PSRC1: variants seen among roughly 807,000 people sequenced by gnomAD.
PSRC1 encodes the protein proline and serine rich coiled-coil 1.
In PSRC1, 30 loss-of-function variants were observed where a neutral mutation model predicts 31.9. The ratio of observed to expected loss-of-function variants is 0.94; its 90% CI spans 0.70 to 1.28. The LOEUF (loss-of-function observed/expected upper bound fraction) is 1.28, where lower values mean the gene tolerates loss of function less well. PSRC1 is among the 50% of genes most tolerant of loss of function. PSRC1 has a pLI of 0.00. For synonymous variants in PSRC1, 191 were observed against 192.1 expected (o/e 0.99, Z 0.05); for missense variants, 481 against 472.8 (o/e 1.02, Z -0.16).
exon 5 of PSRC1, chr1:109,280,928 C>T (rs756907701): frequency 3.7e-6 from 6 of 1,613,882 alleles, no homozygotes; most frequent in East Asian, 2.2e-5. Context: ...TGGGGATGGC[C>T]GAGGGAATGG....
intron 2 of PSRC1, 30 bp downstream of exon 2, chr1:109,282,650 C>T (rs781267463): frequency 8.2e-6 from 13 of 1,585,010 alleles, no homozygotes; most frequent in Admixed American, 3.6e-5. Context: ...TCACTCCTCC[C>T]TTTCATTCTT....
intron 5 of PSRC1, 105 bp downstream of exon 6, chr1:109,280,672 C>T (rs1381557772): frequency 3.8e-6 from 4 of 1,049,194 alleles, no homozygotes; most frequent in African/African-American, 3.2e-5. Context: ...TCCCCATCTT[C>T]CAATTGAATT....
chr1:109,282,308 CT>C, intron 3 of PSRC1: 1 of 615,780 alleles, frequency 1.6e-6, no homozygotes. Flanking sequence ...ACTTATCCTT[CT>C]TCTTAACACC....
At chr1:109,281,824 GGCCCCA>G (rs764780147) in exon 4 of PSRC1, 1 of 1,614,024 alleles carries the variant, frequency 6.2e-7, no homozygotes, top group Admixed American at 1.7e-5. Context: ...CACTCGGCGA[GGCCCCA>G]GGCCCTCGCC....
exon 7 of PSRC1, chr1:109,279,581 C>T (rs915756416): frequency 6.5e-6 from 1 of 152,984 alleles, no homozygotes; most frequent in East Asian, 1.9e-4. Flanking sequence ...AATACATTCA[C>T]TTTATTTTAG....
At position 109,282,714 on chromosome 1, in the gene PSRC1, G is replaced by T. The variant is rs367546090; in HGVS notation, c.-16C>A. ...AATCCTCCATGTCCAGCCAGCAGGA[G>T]CGAGAGTCCAGTTAGATCTGAGCTG... On this transcript the variant is annotated 5_prime_UTR_variant, in exon 2 of 7. Coordinates refer to ENST00000409138, the Ensembl canonical transcript of PSRC1. The T allele has an allele frequency of 4.5e-6, 7 of 1,551,374 alleles. No individual in the cohort carries two copies. In the African/African-American group the frequency reaches 9.6e-5, roughly 21 times the overall value.
At chr1:109,281,974 A>G (rs1230721402) in exon 4 of PSRC1, 2 of 1,532,184 alleles carry the variant, frequency 1.3e-6, no homozygotes, top group Non-Finnish European at 1.8e-6. Context: ...GGCAGGTGCC[A>G]CTGCATTTGG....
chr1:109,280,737 C>A (rs536764912), intron 5 of PSRC1, 40 bp downstream of exon 6: 1 of 1,494,344 alleles, frequency 6.7e-7, no homozygotes, highest in Non-Finnish European at 9.0e-7. Flanking sequence ...GGTGAGGACA[C>A]GCTGGGCAAG....
chr1:109,281,127 G>C lies in PSRC1; in HGVS notation c.644C>G (p.Thr215Ser), dbSNP rs755722949. Residue 215 changes from threonine to serine, a missense_variant, in exon 5 of 7, where the codon ACC becomes AGC. Transcript: ENST00000409138. ...ACTCACCCGCAACTTGGCTGCTCTG[G>C]TCTCCTCACTGGCTGCTGCTCTCCC... The C allele has an allele frequency of 6.2e-7, 1 of 1,613,414 alleles. No homozygotes were observed.
chr1:109,282,236 TA>T, intron 3 of PSRC1, 176 bp from the exon 4 acceptor site: 1 of 637,968 alleles, frequency 1.6e-6, no homozygotes, highest in Non-Finnish European at 2.7e-6. Context: ...CTATGGGGCC[TA>T]ATAGGCCTTT....
chr1:109,280,468 T>C (rs1656875081), exon 6 of PSRC1: 1 of 1,613,390 alleles, frequency 6.2e-7, no homozygotes, highest in Non-Finnish European at 8.5e-7. Flanking sequence ...GACAGGAAGA[T>C]TTAGTCGCTG....
At chr1:109,281,045 G>T (rs200801704) in exon 5 of PSRC1, 2 of 1,612,844 alleles carry the variant, frequency 1.2e-6, no homozygotes, top group East Asian at 2.2e-5. Flanking sequence ...GGGTGGGTGG[G>T]CCTGGTGGAG....
At chr1:109,282,539 C>G in exon 3 of PSRC1, 4 of 1,614,054 alleles carry the variant, frequency 2.5e-6, no homozygotes, top group Non-Finnish European at 3.4e-6. Flanking sequence ...TGACAGCCCC[C>G]CAAAGTCCAA....
chr1:109,281,966 C>A, exon 4 of PSRC1: 2 of 1,538,394 alleles, frequency 1.3e-6, no homozygotes, highest in Non-Finnish European at 1.7e-6. Context: ...CCCTGGGGGG[C>A]AGGTGCCACT....
Position 109,281,960 on chromosome 1 carries a change from G to A in PSRC1, c.178C>T (p.Gln60Ter). ...GGGCCTAGGCTGAGCCTCACACCCT[G>A]GGGGGCAGGTGCCACTGCATTTGGG... Residue 60 changes from glutamine to a stop codon, truncating the protein, a stop_gained, in exon 4 of 7, where the codon CAG becomes TAG. Transcript: ENST00000409138. LOFTEE classifies it high-confidence loss of function. 6.5e-7 allele frequency: 1 copy of A among 1,546,566 alleles called. No individual in the cohort carries two copies. Among genetic ancestry groups the A allele is most frequent in the East Asian group, 2.3e-5 (1 of 44,146 alleles).
chr1:109,282,760 TC>T, intron 1 of PSRC1, 24 bp from the exon 2 acceptor site: 1 of 1,548,380 alleles, frequency 6.5e-7, no homozygotes, highest in Non-Finnish European at 8.7e-7. Context: ...ATACCTTTCC[TC>T]AGGTATCCAT....
exon 3 of PSRC1, chr1:109,282,535 C>A: frequency 6.2e-7 from 1 of 1,613,878 alleles, no homozygotes; most frequent in Non-Finnish European, 8.5e-7. Context: ...ATGGTGACAG[C>A]CCCCCAAAGT....
At chr1:109,280,716 A>G in intron 5 of PSRC1, 61 bp downstream of exon 6, 1 of 1,379,312 alleles carries the variant, frequency 7.2e-7, no homozygotes, top group African/African-American at 1.4e-5. Context: ...CACTGTTGAC[A>G]GCTCTGGGAG....
exon 5 of PSRC1, chr1:109,281,088 A>G: frequency 6.2e-7 from 1 of 1,613,340 alleles, no homozygotes; most frequent in East Asian, 2.2e-5. Context: ...CAATCCCACA[A>G]ACTCCCCACT....
Sources: allele counts gnomAD v4.1 joint callset, GRCh38; gene constraint gnomAD v4.1.1; transcripts MANE v1.5; gene names NCBI Gene and HGNC (gene_info 2026-07-23, HGNC 2026-07-21).